AARS2: variants seen among roughly 807,000 people sequenced by gnomAD.
The protein encoded by AARS2 is alanine--tRNA ligase, mitochondrial.
In AARS2, 78 loss-of-function variants were observed where a neutral mutation model predicts 119.7. The observed-to-expected ratio is 0.65, with a 90% CI of 0.54 to 0.79. The LOEUF is 0.79. Ranked by LOEUF, AARS2 falls within the 30% of genes least tolerant of loss-of-function variation. The pLI, the probability that AARS2 is intolerant of heterozygous loss-of-function variation, is 0.00. For synonymous variants in AARS2, 502 were observed against 526.3 expected (o/e 0.95, Z 0.63); for missense variants, 1,157 against 1,291.3 (o/e 0.90, Z 1.59).
Position 44,299,388 on chromosome 6 carries a change from G to C in AARS2, c.*1159C>G, listed in dbSNP as rs1304508281. 6.6e-6 allele frequency among the ~76,000 whole-genome samples: 1 copy of C among 151,830 alleles called. No individual in the cohort carries two copies. Among genetic ancestry groups the C allele is most frequent in the Non-Finnish European group, 1.5e-5 (1 of 67,976 alleles). On this transcript the variant is annotated 3_prime_UTR_variant, in exon 22 of 22. Coordinates refer to ENST00000244571, the MANE Select transcript of AARS2 (RefSeq NM_020745.4). ...CAGCCTCCCAAGTAGCTGGGACCAA[G>C]GTGTGGGTAGTCTCAGCTACCTGGG...
rs77510689 is a variant in AARS2 at position 44,303,504 on chromosome 6, T to G, written c.2008-81A>C. Reference sequence around the variant, plus strand: ...AACTGATGCATTGAAACACGGTCAATGTTCACTGAGCTATCCCCAGGTTCT... The same window carrying G: ...AACTGATGCATTGAAACACGGTCAAGGTTCACTGAGCTATCCCCAGGTTCT... On this transcript the variant is annotated intron_variant, in intron 14 of 21. Coordinates refer to ENST00000244571, the MANE Select transcript of AARS2 (RefSeq NM_020745.4). 1.1e-3 allele frequency: 1,821 copies of G among 1,602,062 alleles called. 14 individuals are homozygous for G. In the African/African-American group the frequency reaches 0.021, roughly 19 times the overall value.
chr6:44,302,714 C>T (rs1785462362), intron 17 of AARS2, 88 bp downstream of exon 17: 1 of 1,470,396 alleles, frequency 6.8e-7, no homozygotes, highest in South Asian at 1.2e-5. Context: ...GGCTCTGCTG[C>T]TGGGCACCCC....
At chr6:44,304,979 A>C in intron 11 of AARS2, 75 bp downstream of exon 11, 1 of 1,612,868 alleles carries the variant, frequency 6.2e-7, no homozygotes, top group South Asian at 1.1e-5. Context: ...AGGGGCTAGC[A>C]GCAACCATCT....
Position 44,307,045 on chromosome 6 carries a change from G to C in AARS2, c.1041-14C>G, listed in dbSNP as rs758248808. 4 of 1,613,818 alleles carry C rather than the reference G, an allele frequency of 2.5e-6. No individual in the cohort carries two copies. The highest frequency in any genetic ancestry group is 3.4e-6 in the Non-Finnish European group (4 of 1,179,756). ...CGAAGAACCAGCCTAAAGGGGTTCAGAGCCCAGACATGAATCCCCAGCGGC... is the reference window on the plus strand; with the variant it reads ...CGAAGAACCAGCCTAAAGGGGTTCACAGCCCAGACATGAATCCCCAGCGGC... On this transcript the variant is annotated splice_polypyrimidine_tract_variant and intron_variant, in intron 6 of 21. Transcript: ENST00000244571. This position sits in a 1 kb window ranked among gnomAD's most constrained non-coding sequence, Gnocchi z 4.4.
rs759670932 is a variant in AARS2, at chr6:44,307,324, C to T, written c.965G>A (p.Arg322His). Residue 322 changes from arginine to histidine, a missense_variant, in exon 6 of 22, where the codon CGC becomes CAC. Physicochemically the swap from Arg to His is conservative, Grantham distance 29 (BLOSUM62 0). Transcript: ENST00000244571. This position sits in a 1 kb window ranked among gnomAD's most constrained non-coding sequence, Gnocchi z 4.4. ...TGTGCGGATGTGGTCAGCCACCACGCGGTACGCTGTGTCTGTGCGCCCCTC... is the reference window on the plus strand; with the variant it reads ...TGTGCGGATGTGGTCAGCCACCACGTGGTACGCTGTGTCTGTGCGCCCCTC... ...ADEGRTDTAY[R>H]VVADHIRTLS... 10 of 1,613,416 alleles carry T rather than the reference C, an allele frequency of 6.2e-6. No homozygotes were observed. Among genetic ancestry groups the T allele is most frequent in the African/African-American group, 5.3e-5 (4 of 74,922 alleles).
chr6:44,310,178 T>C, intron 5 of AARS2, 121 bp downstream of exon 5: 2 of 1,347,336 alleles, frequency 1.5e-6, no homozygotes, highest in African/African-American at 1.4e-5. Flanking sequence ...TTGGAATTCT[T>C]GGTTGGTTAT....
chr6:44,307,864 C>G lies in AARS2; in HGVS notation c.895-470G>C, dbSNP rs1175121106. On this transcript the variant is annotated intron_variant, in intron 5 of 21. Transcript: ENST00000244571. This position sits in a 1 kb window ranked among gnomAD's most constrained non-coding sequence, Gnocchi z 4.4. Reference sequence around the variant, plus strand: ...CTCTCCCATCTTTTGTGGGGGTGGGCAGGGAGGGAGAGTGTAAGCTACATA... The same window carrying G: ...CTCTCCCATCTTTTGTGGGGGTGGGGAGGGAGGGAGAGTGTAAGCTACATA... Among the ~76,000 whole-genome samples, 4 of 151,582 alleles carry G rather than the reference C, an allele frequency of 2.6e-5. No homozygotes were observed. The highest frequency in any genetic ancestry group is 9.7e-5 in the African/African-American group (4 of 41,348).
In AARS2 at chr6:44,311,544, G is replaced by T. The variant is rs766782717; in HGVS notation, c.436-9C>A. 1.3e-6 allele frequency: 2 copies of T among 1,590,868 alleles called. No homozygotes were observed. Among genetic ancestry groups the T allele is most frequent in the Non-Finnish European group, 8.6e-7 (1 of 1,165,932 alleles). ...ATGTTACAAGCCTCCTCCTGCAGCA[G>T]AAACCAGCATGGGGTGGGGGGGGAA... On this transcript the variant is annotated splice_polypyrimidine_tract_variant and intron_variant, in intron 2 of 21. Transcript: ENST00000244571.
At position 44,301,137 on chromosome 6, in the gene AARS2, G is replaced by C; in HGVS notation, c.2793+19C>G. On this transcript the variant is annotated intron_variant, in intron 21 of 21. Transcript: ENST00000244571. ...TGGGTATTAATGGGGGCGGTGGGCT[G>C]CTCTCCCACTTCCCTCACCTGGGCC... is the stretch of plus-strand genomic sequence containing the variant. 1 of 1,602,468 alleles carries C rather than the reference G, an allele frequency of 6.2e-7. No individual in the cohort carries two copies. The highest frequency in any genetic ancestry group is 1.7e-4 in the Middle Eastern group (1 of 5,928).
intron 14 of AARS2, 95 bp downstream of exon 14, chr6:44,304,086 A>G: frequency 6.4e-7 from 1 of 1,569,520 alleles, no homozygotes. Flanking sequence ...CTGGGCCTAG[A>G]GCCCAGGACT....
chr6:44,300,808 GC>G, intron 21 of AARS2, 97 bp from the exon 22 acceptor site: 4 of 1,465,444 alleles, frequency 2.7e-6, no homozygotes, highest in Middle Eastern at 2.3e-4. Context: ...GGTCATCAGT[GC>G]CCCCTTCCCA....
rs747099630 is a variant in AARS2, at chr6:44,313,247, C to T, written c.77G>A (p.Ser26Asn). 8 of 1,579,404 alleles carry T rather than the reference C, an allele frequency of 5.1e-6. No individual in the cohort carries two copies. Among genetic ancestry groups the T allele is most frequent in the Middle Eastern group, 2.0e-4 (1 of 4,968 alleles). Residue 26 changes from serine (S) to asparagine (N), a missense_variant, in exon 1 of 22, where the codon AGC (serine) becomes AAC (asparagine). Ser to Asn is a conservative substitution (Grantham distance 46). Coordinates refer to ENST00000244571, the MANE Select transcript of AARS2 (RefSeq NM_020745.4). Reference sequence around the variant, plus strand: ...GGGCTCCGATGAGAGCGGCCGATGGCTGAGGCCCCGCCATGCGGGCGACCT... The same window carrying T: ...GGGCTCCGATGAGAGCGGCCGATGGTTGAGGCCCCGCCATGCGGGCGACCT... ...IRRSPAWRGL[S>N]HRPLSSEPPA...
chr6:44,311,259 AGAG>A, intron 3 of AARS2, 98 bp from the exon 4 acceptor site: 1 of 1,600,886 alleles, frequency 6.2e-7, no homozygotes, highest in Non-Finnish European at 8.6e-7. Context: ...CAGCTCAGCA[AGAG>A]GAGGAACAGG....
rs1785677187 is a variant in AARS2 at position 44,304,657 on chromosome 6, C to T, written c.1740G>A (p.Arg580=). 1 of 1,614,204 alleles carries T rather than the reference C, an allele frequency of 6.2e-7. No homozygotes were observed. Among genetic ancestry groups the T allele is most frequent in the Non-Finnish European group, 8.5e-7 (1 of 1,180,040 alleles). Residue 580 remains arginine, a synonymous_variant, in exon 12 of 22, where the codon CGG becomes CGA. Transcript: ENST00000244571. ...GQASDRGYLV[R]AGQEDVLFPV... ...GATGGAGACTCACCTCTTGCCCTGC[C>T]CGCACCAGGTAGCCACGGTCTGAAG...
intron 5 of AARS2, 27 bp downstream of exon 5, chr6:44,310,272 G>A (rs1468110921): frequency 2.5e-6 from 4 of 1,572,134 alleles, no homozygotes; most frequent in Non-Finnish European, 3.5e-6. Context: ...CAGGTTAGAG[G>A]GCTTCTGGAA....
intron 19 of AARS2, among the ~76,000 whole-genome samples, chr6:44,301,808 G>A (rs1439442935): frequency 6.6e-6 from 1 of 152,202 alleles, no homozygotes; most frequent in Non-Finnish European, 1.5e-5. Context: ...AGGGCTGAAT[G>A]GCACTAATCA....
In AARS2 at chr6:44,300,436, G is replaced by A; in HGVS notation, c.*111C>T. On this transcript the variant is annotated 3_prime_UTR_variant, in exon 22 of 22. Transcript: ENST00000244571. ...CCAGGTGATCTTCTTTGGCTCAGCT[G>A]CTTGGCCTCCAGCCTCTAGTCCTCG... 1 of 1,496,730 alleles carries A rather than the reference G, an allele frequency of 6.7e-7. No homozygotes were observed. Among genetic ancestry groups the A allele is most frequent in the Admixed American group, 1.7e-5 (1 of 59,658 alleles). 92.7% of individuals were successfully genotyped at this position (1,496,730 alleles called of 1,614,324 possible).
At chr6:44,306,668 G>C (rs1785882192) in intron 7 of AARS2, 136 bp from the exon 8 acceptor site, 2 of 1,138,712 alleles carry the variant, frequency 1.8e-6, no homozygotes, top group African/African-American at 1.5e-5. Context: ...ACTCAAATGG[G>C]GAACTGGTTT....
At chr6:44,310,235 T>C in intron 5 of AARS2, 64 bp downstream of exon 5, 2 of 1,533,194 alleles carry the variant, frequency 1.3e-6, no homozygotes, top group East Asian at 2.4e-5. Context: ...AAAGATGGAA[T>C]GCAATGGGGC....
Sources: allele counts gnomAD v4.1 joint callset (sites outside exome capture counted in the v4.1 genomes callset), GRCh38; gene constraint gnomAD v4.1.1; non-coding constraint Gnocchi (gnomAD v3.1); transcripts MANE v1.5; gene names NCBI Gene and HGNC (gene_info 2026-07-23, HGNC 2026-07-21).